The following AKAP10 variants were observed in gnomAD, a reference collection of about 807,000 sequenced individuals.
AKAP10 encodes the protein A-kinase anchor protein 10, mitochondrial.
AKAP10 carries 24 observed loss-of-function variants against 80.8 expected under a neutral mutation model. The ratio of observed to expected loss-of-function variants is 0.30; its 90% CI spans 0.22 to 0.42. AKAP10 has a LOEUF of 0.42. Among genes scored for constraint, AKAP10 ranks in the 10% least tolerant of loss-of-function variants. The pLI is 1.00. For missense variants in AKAP10, 661 were observed against 794.9 expected, an observed-to-expected ratio of 0.83 and a Z score of 2.03; for synonymous variants, 291 against 277.7, an observed-to-expected ratio of 1.05 and a Z score of -0.48.
chr17:19,908,464 T>C (rs762363978), intron 14 of AKAP10, among the ~76,000 whole-genome samples: 18 of 152,164 alleles, frequency 1.2e-4, no homozygotes, highest in Non-Finnish European at 8.8e-5. Flanking sequence ...TTCAGCCTAC[T>C]AATTTCTGGG....
At chr17:19,912,528 C>G (rs2042701781) in intron 12 of AKAP10, among the ~76,000 whole-genome samples, 1 of 152,098 alleles carries the variant, frequency 6.6e-6, no homozygotes, top group Non-Finnish European at 1.5e-5. Flanking sequence ...CAGAGCAAGA[C>G]TCCATCTCAG....
chr17:19,946,203 T>TA (rs1491256352), intron 5 of AKAP10, among the ~76,000 whole-genome samples: 1 of 46,252 alleles, frequency 2.2e-5, no homozygotes, highest in African/African-American at 1.1e-4. Context: ...AATACATATA[T>TA]TTTATATATA....
intron 10 of AKAP10, among the ~76,000 whole-genome samples, chr17:19,928,824 T>A (rs1222476629): frequency 6.6e-6 from 1 of 152,018 alleles, no homozygotes; most frequent in African/African-American, 2.4e-5. Context: ...GAGCCGAGAT[T>A]GTGCCACTGC....
intron 5 of AKAP10, among the ~76,000 whole-genome samples, chr17:19,943,430 A>G (rs968576422): frequency 6.6e-6 from 1 of 152,134 alleles, no homozygotes; most frequent in Non-Finnish European, 1.5e-5. Flanking sequence ...TGCCTATATA[A>G]TGAAGTCTCC....
At chr17:19,951,509 G>T (rs1205769465) in intron 4 of AKAP10, among the ~76,000 whole-genome samples, 14 of 152,354 alleles carry the variant, frequency 9.2e-5, no homozygotes, top group Admixed American at 5.9e-4. Context: ...TGTCTGTGTA[G>T]AAAGAAGTAG....
intron 10 of AKAP10, among the ~76,000 whole-genome samples, chr17:19,930,040 T>C (rs2042916307): frequency 2.9e-5 from 4 of 138,068 alleles, no homozygotes; most frequent in Admixed American, 2.9e-4. Flanking sequence ...CTAACCTATA[T>C]CAAAAAACCA....
intron 2 of AKAP10, among the ~76,000 whole-genome samples, chr17:19,964,469 G>T (rs1342825654): frequency 1.3e-5 from 2 of 152,080 alleles, no homozygotes; most frequent in African/African-American, 4.8e-5. Flanking sequence ...TCCCCTTCTT[G>T]AGGCTATCTG....
intron 1 of AKAP10, among the ~76,000 whole-genome samples, chr17:19,971,023 C>G (rs1229526581): frequency 6.6e-6 from 1 of 151,504 alleles, no homozygotes; most frequent in Non-Finnish European, 1.5e-5. Context: ...CCTAATTATC[C>G]TTTCTGTTGT....
At chr17:19,929,407 C>T (rs1444666977) in intron 10 of AKAP10, 1 of 152,096 alleles carries the variant, frequency 6.6e-6, no homozygotes, top group African/African-American at 2.4e-5. Context: ...ATGACAAGAA[C>T]AGGTAATGCT....
intron 10 of AKAP10, among the ~76,000 whole-genome samples, chr17:19,928,238 T>TAAATAA (rs1183336691): frequency 6.6e-6 from 1 of 151,148 alleles, no homozygotes; most frequent in African/African-American, 2.4e-5. Flanking sequence ...AAAAAATAAA[T>TAAATAA]AAATAAAAAT....
intron 1 of AKAP10, among the ~76,000 whole-genome samples, chr17:19,973,484 T>C (rs970370866): frequency 6.6e-6 from 1 of 152,332 alleles, no homozygotes; most frequent in South Asian, 2.1e-4. Context: ...GATGGATAAC[T>C]AGCATCATTT....
chr17:19,925,272 A>G (rs2042864321), intron 10 of AKAP10, among the ~76,000 whole-genome samples: 1 of 152,230 alleles, frequency 6.6e-6, no homozygotes, highest in African/African-American at 2.4e-5. Context: ...TTATTTCTTC[A>G]ATATGAAAAG....
intron 5 of AKAP10, among the ~76,000 whole-genome samples, chr17:19,944,157 G>A (rs140806036): frequency 2.0e-5 from 3 of 152,102 alleles, no homozygotes; most frequent in East Asian, 3.9e-4. Flanking sequence ...CCCGTGTACT[G>A]CATTCTTTCC....
intron 2 of AKAP10, among the ~76,000 whole-genome samples, chr17:19,965,945 G>T (rs1466122132): frequency 4.0e-5 from 6 of 151,696 alleles, no homozygotes; most frequent in African/African-American, 1.5e-4. Flanking sequence ...AGACAAAAAT[G>T]AAAACAAGTT....
At chr17:19,945,194 A>G (rs566617843) in intron 5 of AKAP10, among the ~76,000 whole-genome samples, 6 of 152,118 alleles carry the variant, frequency 3.9e-5, no homozygotes, top group Non-Finnish European at 7.4e-5. Context: ...TCATGGGATT[A>G]CATCATCATT....
chr17:19,934,895 C>T (rs1246036652), intron 9 of AKAP10, among the ~76,000 whole-genome samples: 1 of 152,106 alleles, frequency 6.6e-6, no homozygotes, highest in Admixed American at 6.6e-5. Context: ...GCCTGTAATC[C>T]CAGCTACTTG....
chr17:19,932,917 CG>C (rs1555574604), intron 9 of AKAP10, among the ~76,000 whole-genome samples: 1 of 151,410 alleles, frequency 6.6e-6, no homozygotes, highest in Non-Finnish European at 1.5e-5. Flanking sequence ...TCTAATTCTA[CG>C]AAGGAAAAGT....
chr17:19,973,992 C>T (rs1397602467), intron 1 of AKAP10, among the ~76,000 whole-genome samples: 4 of 152,182 alleles, frequency 2.6e-5, no homozygotes, highest in Non-Finnish European at 5.9e-5. Context: ...CACCTGAGGT[C>T]AGGAGTACAA....
intron 5 of AKAP10, 67 bp from the exon 6 acceptor site, chr17:19,941,977 C>A: frequency 7.0e-7 from 1 of 1,435,518 alleles, no homozygotes; most frequent in Non-Finnish European, 9.5e-7. Context: ...ACTTGTGAAT[C>A]AACTTGGGAG....
Sources: allele counts gnomAD v4.1 joint callset (sites outside exome capture counted in the v4.1 genomes callset), GRCh38; gene constraint gnomAD v4.1.1; transcripts MANE v1.5; gene names NCBI Gene and HGNC (gene_info 2026-07-23, HGNC 2026-07-21).